ADAM12: variants seen among roughly 807,000 people sequenced by gnomAD.
ADAM12 encodes ADAM metallopeptidase domain 12.
In ADAM12, 70 loss-of-function variants were observed where a neutral mutation model predicts 106.4. The ratio of observed to expected loss-of-function variants is 0.66; its 90% CI spans 0.54 to 0.80. The LOEUF (loss-of-function observed/expected upper bound fraction) is 0.80. Among genes scored for constraint, ADAM12 ranks in the 30% least tolerant of loss-of-function variants. The pLI is 0.00. For missense variants in ADAM12, 1,010 were observed against 1,171.9 expected, an observed-to-expected ratio of 0.86 and a Z score of 2.02; for synonymous variants, 420 against 433.5, an observed-to-expected ratio of 0.97 and a Z score of 0.39.
chr10:126,019,825 C>T lies in ADAM12; in HGVS notation c.2530G>A (p.Gly844Arg), dbSNP rs1305634919. Residue 844 changes from glycine (G) to arginine (R), a missense_variant and splice_region_variant, in exon 22 of 23, where the codon GGG (glycine) becomes AGG (arginine). Physicochemically the swap from Gly to Arg is moderately radical, Grantham distance 125. Coordinates refer to ENST00000448723, the MANE Select transcript of ADAM12 (RefSeq NM_001288973.2). ...PAKPALRQAQ[G>R]TCKPNPPQKP... ...TGAGGGGGGTTTGGCTTACAGGTCC[C>T]CTGCAATAAACATAGGGTTAGGCAG... The T allele has an allele frequency of 6.2e-7, 1 of 1,612,836 alleles. No homozygotes were observed. Among genetic ancestry groups the T allele is most frequent in the Admixed American group, 1.7e-5 (1 of 59,876 alleles).
chr10:126,035,128 A>AAAAGTTAAAATTTAGTGTTAGC (rs1954035627), intron 21 of ADAM12, among the ~76,000 whole-genome samples: 2 of 152,200 alleles, frequency 1.3e-5, no homozygotes, highest in Non-Finnish European at 2.9e-5. Context: ...TCAAACTGGT[A>AAAAGTTAAAATTTAGTGTTAGC]AAAGTTAAAA....
intron 10 of ADAM12, among the ~76,000 whole-genome samples, chr10:126,096,925 T>A (rs1955568681): frequency 2.0e-5 from 3 of 152,204 alleles, no homozygotes; most frequent in South Asian, 4.1e-4. Flanking sequence ...ATACCTTTTT[T>A]AAAAATAGCC....
At chr10:126,252,664 T>C (rs561684647) in intron 3 of ADAM12, among the ~76,000 whole-genome samples, 1 of 152,286 alleles carries the variant, frequency 6.6e-6, no homozygotes, top group African/African-American at 2.4e-5. Flanking sequence ...CCACCCACAT[T>C]GGGTTACGGG....
intron 5 of ADAM12, among the ~76,000 whole-genome samples, chr10:126,130,705 C>T (rs925303474): frequency 1.3e-5 from 2 of 152,194 alleles, no homozygotes; most frequent in Non-Finnish European, 2.9e-5. Context: ...AGAGCTAAGG[C>T]AGCGTGCCTG....
chr10:126,121,518 T>G (rs998548731), intron 5 of ADAM12, among the ~76,000 whole-genome samples: 1 of 143,186 alleles, frequency 7.0e-6, no homozygotes, highest in African/African-American at 2.5e-5. Flanking sequence ...GAAAATTATA[T>G]ATTATATAAT....
chr10:126,286,545 T>G (rs1017212297), intron 2 of ADAM12, among the ~76,000 whole-genome samples: 1 of 152,220 alleles, frequency 6.6e-6, no homozygotes, highest in African/African-American at 2.4e-5. Context: ...GCTGCAGCCT[T>G]GGCATTCACG....
chr10:126,087,677 A>G (rs1211129349), intron 11 of ADAM12, among the ~76,000 whole-genome samples: 2 of 152,230 alleles, frequency 1.3e-5, no homozygotes, highest in Admixed American at 1.3e-4. Flanking sequence ...AATCTCCAAC[A>G]GCACCCCAAA....
intron 5 of ADAM12, among the ~76,000 whole-genome samples, chr10:126,129,210 G>A (rs568142616): frequency 2.6e-5 from 4 of 152,356 alleles, no homozygotes; most frequent in Non-Finnish European, 4.4e-5. Flanking sequence ...AAGAGCCCAT[G>A]AGACTCCTCC....
chr10:126,221,366 G>A lies in ADAM12; in HGVS notation c.260+57549C>T, dbSNP rs187543159. The stretch of plus-strand genomic sequence containing the variant: ...GATTGTGTCACTGGACTCCAGCCTG[G>A]GCAACAGAGCAAGACTCTGTCTCAA... On this transcript the variant is annotated intron_variant, in intron 3 of 22. Coordinates refer to ENST00000448723, the MANE Select transcript of ADAM12 (RefSeq NM_001288973.2). Among the ~76,000 whole-genome samples the A allele has an allele frequency of 2.4e-3, 332 of 139,372 alleles. 2 individuals are homozygous for A. The highest frequency in any genetic ancestry group is 8.4e-3 in the African/African-American group (320 of 37,936). The allele number at this position is 139,372 out of a possible 152,430, so 91.4% of individuals were successfully genotyped here.
At chr10:126,076,656 C>G (rs1182526316) in intron 11 of ADAM12, among the ~76,000 whole-genome samples, 2 of 152,050 alleles carry the variant, frequency 1.3e-5, no homozygotes, top group African/African-American at 4.8e-5. Flanking sequence ...TTGTATGTCT[C>G]CTTTTGAGAG....
intron 3 of ADAM12, among the ~76,000 whole-genome samples, chr10:126,247,908 A>G (rs1338155729): frequency 6.6e-6 from 1 of 152,258 alleles, no homozygotes; most frequent in Non-Finnish European, 1.5e-5. Context: ...CCACGAGCCA[A>G]TGACGGAGTA....
At chr10:126,177,110 G>A (rs1443908492) in intron 3 of ADAM12, among the ~76,000 whole-genome samples, 1 of 152,038 alleles carries the variant, frequency 6.6e-6, no homozygotes, top group Non-Finnish European at 1.5e-5. Flanking sequence ...TTCATTTATG[G>A]CTGTACATGG....
At chr10:126,042,115 C>G in intron 18 of ADAM12, 1 of 1,612,606 alleles carries the variant, frequency 6.2e-7, no homozygotes, top group Non-Finnish European at 8.5e-7. Flanking sequence ...GTCACGGTCT[C>G]CATGTCATGG....
Position 126,057,375 on chromosome 10 carries a change from A to T in ADAM12, c.1609+7431T>A, listed in dbSNP as rs867809373. 2.5e-4 allele frequency among the ~76,000 whole-genome samples: 32 copies of T among 128,288 alleles called. 8 individuals are homozygous for T. Among genetic ancestry groups the T allele is most frequent in the Admixed American group, 1.6e-3 (22 of 13,594 alleles). 84.2% of individuals were successfully genotyped at this position (128,288 alleles called of 152,430 possible). A position where few individuals can be genotyped will look rare whatever the true frequency, so the allele number is the denominator to read the frequency against. On this transcript the variant is annotated intron_variant, in intron 14 of 22. Transcript: ENST00000448723. ...AAACTTAGAGTATAATAAAAAAAAA[A>T]TTAAAAAACAAAAAAACAAAAAAAC...
chr10:126,296,792 C>T (rs940706362), intron 2 of ADAM12, among the ~76,000 whole-genome samples: 4 of 152,210 alleles, frequency 2.6e-5, no homozygotes, highest in African/African-American at 9.6e-5. Context: ...TGCTATTATA[C>T]CAGGTTTCCC....
intron 8 of ADAM12, among the ~76,000 whole-genome samples, chr10:126,104,183 C>T (rs1955720453): frequency 1.3e-5 from 2 of 152,206 alleles, no homozygotes; most frequent in African/African-American, 4.8e-5. Context: ...GACATGGTGG[C>T]TCATGCCTGT....
intron 3 of ADAM12, among the ~76,000 whole-genome samples, chr10:126,187,170 A>T (rs17745507): frequency 0.16 from 23,790 of 152,166 alleles, 2,361 homozygotes; most frequent in Middle Eastern, 0.25. Flanking sequence ...GGGAATTACT[A>T]CATCAGTAAA....
intron 2 of ADAM12, among the ~76,000 whole-genome samples, chr10:126,292,696 C>T (rs1960207731): frequency 6.6e-6 from 1 of 152,164 alleles, no homozygotes; most frequent in Non-Finnish European, 1.5e-5. Flanking sequence ...CATGACTGCT[C>T]AACTCTGCCA....
At position 126,064,781 on chromosome 10, in the gene ADAM12, T is replaced by A. The variant is rs751661524; in HGVS notation, c.1609+25A>T. The A allele has an allele frequency of 1.3e-6, 2 of 1,579,308 alleles. No homozygotes were observed. Among genetic ancestry groups the A allele is most frequent in the Non-Finnish European group, 1.7e-6 (2 of 1,163,526 alleles). On this transcript the variant is annotated intron_variant, in intron 14 of 22. Transcript: ENST00000448723. The surrounding 1 kb of genome is among the most constrained non-coding windows in gnomAD (Gnocchi z 4.4). Reference sequence around the variant, plus strand: ...CCAGGTCTGCCAGTGCCTCTCCTGATGCCGAGCTTGTGGCGGCCACGTACC... The same window carrying A: ...CCAGGTCTGCCAGTGCCTCTCCTGAAGCCGAGCTTGTGGCGGCCACGTACC...
Sources: gnomAD v4.1 joint callset for allele counts (sites outside exome capture counted in the v4.1 genomes callset) on GRCh38, gnomAD v4.1.1 for gene constraint, Gnocchi (gnomAD v3.1) non-coding constraint, MANE v1.5 for transcripts, NCBI Gene and HGNC (gene_info 2026-07-23, HGNC 2026-07-21) for gene names.